Variants in RSPO3 observed in about 807,000 individuals in gnomAD.
RSPO3 encodes the protein R-spondin-3.
In RSPO3, 17 loss-of-function variants were observed where a neutral mutation model predicts 36.5. The ratio of observed to expected loss-of-function variants is 0.47; its 90% CI spans 0.32 to 0.70. The LOEUF is 0.70. Among genes scored for constraint, RSPO3 ranks in the 30% least tolerant of loss-of-function variants. The pLI is 0.04. For synonymous variants in RSPO3, 108 were observed against 107.0 expected (o/e 1.01, Z -0.06); for missense variants, 294 against 322.5 (o/e 0.91, Z 0.68).
intron 1 of RSPO3, among the ~76,000 whole-genome samples, chr6:127,129,919 G>A (rs1019403606): frequency 2.0e-5 from 3 of 151,930 alleles, no homozygotes; most frequent in African/African-American, 7.3e-5. Flanking sequence ...AACATCCTTA[G>A]GTCAACTTAA....
At chr6:127,167,231 A>G (rs1333532540) in intron 4 of RSPO3, among the ~76,000 whole-genome samples, 1 of 151,778 alleles carries the variant, frequency 6.6e-6, no homozygotes, top group Non-Finnish European at 1.5e-5. Context: ...TCGTCCCATC[A>G]CCTATTAAGC....
chr6:127,162,436 A>G (rs1249684887), intron 4 of RSPO3, among the ~76,000 whole-genome samples: 3 of 152,086 alleles, frequency 2.0e-5, no homozygotes, highest in Non-Finnish European at 2.9e-5. Context: ...TTTCCTTTGT[A>G]AATTTCCTTC....
rs1029330527 is a variant in RSPO3 at position 127,119,086 on chromosome 6, G to C, written c.-107G>C. 4.0e-5 allele frequency: 32 copies of C among 798,050 alleles called. No individual in the cohort carries two copies. Among genetic ancestry groups the C allele is most frequent in the African/African-American group, 2.7e-4 (15 of 56,528 alleles). The allele number at this position is 798,050 out of a possible 1,614,324, so 49.4% of individuals were successfully genotyped here. A position where few individuals can be genotyped will look rare whatever the true frequency, so the allele number is the denominator to read the frequency against. ...TGTGAGAGGAGAAGTCCCGCTGCTC[G>C]GGCACTGTCTATATACGCCTAACAC... On this transcript the variant is annotated 5_prime_UTR_variant, in exon 1 of 5. Transcript: ENST00000356698.
In RSPO3 at chr6:127,195,230, G is replaced by A. The variant is rs570674549; in HGVS notation, c.635-593G>A. Among the ~76,000 whole-genome samples the A allele has an allele frequency of 9.9e-5, 15 of 152,084 alleles. 1 individual carries two copies. Among genetic ancestry groups the A allele is most frequent in the Middle Eastern group, 6.3e-3 (2 of 316 alleles). Reference sequence around the variant, plus strand: ...TGCTCAGGCTGGAGAGTACAGTGGCGCTATCAGGGCTCACTGCAGCCTTGA... The same window carrying A: ...TGCTCAGGCTGGAGAGTACAGTGGCACTATCAGGGCTCACTGCAGCCTTGA... On this transcript the variant is annotated intron_variant, in intron 4 of 4. Transcript: ENST00000356698.
At chr6:127,181,385 AGGT>A (rs1206187428) in intron 4 of RSPO3, among the ~76,000 whole-genome samples, 4 of 151,886 alleles carry the variant, frequency 2.6e-5, no homozygotes, top group Admixed American at 6.6e-5. Flanking sequence ...GCTGCTTACC[AGGT>A]GTTGTTAGCA....
rs200335379 is a variant in RSPO3 at position 127,185,700 on chromosome 6, TC to T, written c.635-10118del. Among the ~76,000 whole-genome samples the T allele has an allele frequency of 5.4e-3, 821 of 152,142 alleles. 6 individuals carry two copies. Among genetic ancestry groups the T allele is most frequent in the African/African-American group, 0.018 (751 of 41,546 alleles). On this transcript the variant is annotated intron_variant, in intron 4 of 4. Transcript: ENST00000356698. ...CAATTCCAGATTAAAGGTACATTTT[TC>T]CCCCATAGACCAATAAAAAGCTTCA...
chr6:127,188,597 T>C (rs907150518), intron 4 of RSPO3, among the ~76,000 whole-genome samples: 1 of 151,702 alleles, frequency 6.6e-6, no homozygotes, highest in African/African-American at 2.4e-5. Flanking sequence ...TACATATATA[T>C]ATATATATAT....
intron 1 of RSPO3, among the ~76,000 whole-genome samples, chr6:127,140,458 T>C (rs1774247187): frequency 6.6e-6 from 1 of 152,110 alleles, no homozygotes; most frequent in Admixed American, 6.6e-5. Flanking sequence ...GCAAAACACA[T>C]GTAGATTGAT....
In RSPO3 at chr6:127,144,643, G is replaced by GTTTTTTTTTTGTTTTTTTT. The variant is rs1554220624; in HGVS notation, c.98-3995_98-3994insGTTTTTTTTTTTTTTTTTT. Among the ~76,000 whole-genome samples the GTTTTTTTTTTGTTTTTTTT allele has an allele frequency of 8.9e-4, 88 of 99,120 alleles. 12 individuals are homozygous for GTTTTTTTTTTGTTTTTTTT. Among genetic ancestry groups the GTTTTTTTTTTGTTTTTTTT allele is most frequent in the African/African-American group, 3.6e-3 (86 of 24,104 alleles). 65.0% of individuals were successfully genotyped at this position (99,120 alleles called of 152,430 possible). A position where few individuals can be genotyped will look rare whatever the true frequency, so the allele number is the denominator to read the frequency against. On this transcript the variant is annotated intron_variant, in intron 1 of 4. Transcript: ENST00000356698. ...TGTAATTTTTCAGTAGCTTCCCCTT[G>GTTTTTTTTTTGTTTTTTTT]TTTTTTTTTTTTTCAGACAGAGTCT... is the stretch of plus-strand genomic sequence containing the variant.
intron 4 of RSPO3, among the ~76,000 whole-genome samples, chr6:127,176,438 T>G (rs1327713815): frequency 6.6e-6 from 1 of 151,690 alleles, no homozygotes; most frequent in Admixed American, 6.6e-5. Context: ...ATTTCCTTTT[T>G]ATTTATTTAT....
chr6:127,186,120 C>T (rs1189539234), intron 4 of RSPO3, among the ~76,000 whole-genome samples: 2 of 152,070 alleles, frequency 1.3e-5, no homozygotes, highest in African/African-American at 2.4e-5. Flanking sequence ...TTCTGCTCAG[C>T]CTTTTGAAAT....
intron 4 of RSPO3, among the ~76,000 whole-genome samples, chr6:127,161,113 G>T (rs776792118): frequency 6.6e-6 from 1 of 151,858 alleles, no homozygotes; most frequent in Non-Finnish European, 1.5e-5. Flanking sequence ...ATGCCTCAGT[G>T]ATAGGCCCCA....
intron 1 of RSPO3, among the ~76,000 whole-genome samples, chr6:127,129,969 G>T (rs982818388): frequency 6.6e-6 from 1 of 152,002 alleles, no homozygotes; most frequent in South Asian, 2.1e-4. Flanking sequence ...ACAAGAAAAT[G>T]GTAGTACATT....
intron 4 of RSPO3, among the ~76,000 whole-genome samples, chr6:127,175,367 A>G (rs2503323): frequency 0.56 from 85,217 of 151,264 alleles, 24,025 homozygotes; most frequent in African/African-American, 0.61. Flanking sequence ...CAGTAAGTAA[A>G]AGCTTTGCTA....
intron 4 of RSPO3, among the ~76,000 whole-genome samples, chr6:127,191,239 G>A (rs533547614): frequency 6.6e-6 from 1 of 152,234 alleles, no homozygotes; most frequent in South Asian, 2.1e-4. Flanking sequence ...AAACAAAGGA[G>A]CAACCATGCA....
chr6:127,185,514 T>C (rs1413364498), intron 4 of RSPO3, among the ~76,000 whole-genome samples: 1 of 152,072 alleles, frequency 6.6e-6, no homozygotes, highest in African/African-American at 2.4e-5. Flanking sequence ...TGAAGATGCA[T>C]GAAAATCATC....
chr6:127,172,723 T>C lies in RSPO3; in HGVS notation c.634+17285T>C, dbSNP rs142561058. Among the ~76,000 whole-genome samples the C allele has an allele frequency of 2.2e-3, 331 of 150,600 alleles. 1 individual carries two copies. Among genetic ancestry groups the C allele is most frequent in the African/African-American group, 7.6e-3 (315 of 41,396 alleles). On this transcript the variant is annotated intron_variant, in intron 4 of 4. Transcript: ENST00000356698. ...TTGTTTAAATGTTGGCAATTTTACA[T>C]AATTATCTCATTTAAAATTCTTTAA...
Position 127,197,747 on chromosome 6 carries a change from T to C in RSPO3, c.*1740T>C, listed in dbSNP as rs1230437052. On this transcript the variant is annotated 3_prime_UTR_variant, in exon 5 of 5. Coordinates refer to ENST00000356698, the MANE Select transcript of RSPO3 (RefSeq NM_032784.5). The stretch of plus-strand genomic sequence containing the variant: ...ACTTCTCTCTTCCTCTTCTAAGATA[T>C]AAACATTTTAAATGATTTATTCCTG... 1.7e-5 allele frequency: 8 copies of C among 458,544 alleles called. No homozygotes were observed. The highest frequency in any genetic ancestry group is 2.7e-5 in the Non-Finnish European group (7 of 262,732). The allele number at this position is 458,544 out of a possible 1,614,324, so 28.4% of individuals were successfully genotyped here. A position where few individuals can be genotyped will look rare whatever the true frequency, so the allele number is the denominator to read the frequency against.
Position 127,197,497 on chromosome 6 carries a change from G to A in RSPO3, c.*1490G>A, listed in dbSNP as rs1045857837. 6.4e-7 allele frequency: 1 copy of A among 1,550,580 alleles called. No homozygotes were observed. The highest frequency in any genetic ancestry group is 2.4e-5 in the East Asian group (1 of 40,908). The stretch of plus-strand genomic sequence containing the variant: ...GGACACAGCCCACCCCTTGCAGGAG[G>A]AGGTATCTCTGAGTGTGCAGCACAG... On this transcript the variant is annotated 3_prime_UTR_variant, in exon 5 of 5. Coordinates refer to ENST00000356698, the MANE Select transcript of RSPO3 (RefSeq NM_032784.5).
Sources: allele counts gnomAD v4.1 joint callset (sites outside exome capture counted in the v4.1 genomes callset), GRCh38; gene constraint gnomAD v4.1.1; transcripts MANE v1.5; gene names NCBI Gene and HGNC (gene_info 2026-07-23, HGNC 2026-07-21).